Variants in SIAH3 observed in about 807,000 individuals in gnomAD.
SIAH3 encodes seven in absentia homolog 3.
In SIAH3, 9 loss-of-function variants were observed where a neutral mutation model predicts 12.6. The ratio of observed to expected loss-of-function variants is 0.72; its 90% CI spans 0.43 to 1.25. The LOEUF (loss-of-function observed/expected upper bound fraction) is 1.25, where lower values mean the gene tolerates loss of function less well. SIAH3 is among the 50% of genes most tolerant of loss of function. The pLI, the probability that SIAH3 is intolerant of heterozygous loss-of-function variation, is 0.00. For synonymous variants in SIAH3, 154 were observed against 151.1 expected (o/e 1.02, Z -0.14); for missense variants, 390 against 365.4 (o/e 1.07, Z -0.55).
intron 1 of SIAH3, among the ~76,000 whole-genome samples, chr13:45,848,936 T>C (rs542300972): frequency 6.6e-6 from 1 of 152,364 alleles, no homozygotes; most frequent in African/African-American, 2.4e-5. Flanking sequence ...AGATCACAGC[T>C]TATTACGTCC....
chr13:45,846,408 G>A (rs1019792919), intron 1 of SIAH3, among the ~76,000 whole-genome samples: 1 of 152,112 alleles, frequency 6.6e-6, no homozygotes, highest in Admixed American at 6.6e-5. Context: ...CTAACTTCTA[G>A]TCTCAATTTT....
chr13:45,785,599 A>T (rs1044166063), intron 1 of SIAH3, among the ~76,000 whole-genome samples: 2 of 152,240 alleles, frequency 1.3e-5, no homozygotes. Flanking sequence ...CATGACACAT[A>T]CATGTGCACA....
chr13:45,786,915 T>G (rs550017694), intron 1 of SIAH3, among the ~76,000 whole-genome samples: 1 of 152,312 alleles, frequency 6.6e-6, no homozygotes, highest in East Asian at 1.9e-4. Flanking sequence ...TCCCCTATTC[T>G]TTCCAATTTC....
At chr13:45,810,084 G>T (rs895357133) in intron 1 of SIAH3, among the ~76,000 whole-genome samples, 1 of 152,158 alleles carries the variant, frequency 6.6e-6, no homozygotes, top group African/African-American at 2.4e-5. Flanking sequence ...CGACCTGAAG[G>T]CACAGTCCAA....
chr13:45,848,027 G>A (rs748137851), intron 1 of SIAH3, among the ~76,000 whole-genome samples: 1 of 152,184 alleles, frequency 6.6e-6, no homozygotes, highest in African/African-American at 2.4e-5. Context: ...GCCAATGGGA[G>A]TGGAGCCAGG....
intron 1 of SIAH3, among the ~76,000 whole-genome samples, chr13:45,835,697 T>C (rs914999301): frequency 2.0e-5 from 3 of 152,086 alleles, no homozygotes; most frequent in Admixed American, 1.3e-4. Flanking sequence ...CGCTAAACCT[T>C]ATATATCATC....
At chr13:45,806,779 C>T (rs192377325) in intron 1 of SIAH3, among the ~76,000 whole-genome samples, 1 of 152,252 alleles carries the variant, frequency 6.6e-6, no homozygotes, top group Non-Finnish European at 1.5e-5. Context: ...AAAACTGTTA[C>T]ACTAATAGTA....
At chr13:45,825,411 A>G (rs1001671449) in intron 1 of SIAH3, among the ~76,000 whole-genome samples, 16 of 152,150 alleles carry the variant, frequency 1.1e-4, no homozygotes, top group African/African-American at 3.9e-4. Flanking sequence ...AATGTGGATG[A>G]TGGAGAAAAG....
At chr13:45,830,428 C>T (rs1950694786) in intron 1 of SIAH3, among the ~76,000 whole-genome samples, 1 of 152,218 alleles carries the variant, frequency 6.6e-6, no homozygotes, top group Non-Finnish European at 1.5e-5. Flanking sequence ...TGGGGACAGT[C>T]AGGTGGGGAT....
At chr13:45,812,952 C>T (rs1337372675) in intron 1 of SIAH3, among the ~76,000 whole-genome samples, 7 of 152,232 alleles carry the variant, frequency 4.6e-5, no homozygotes, top group Admixed American at 3.3e-4. Flanking sequence ...CGTGTCTTCC[C>T]AGGAGAAGGA....
rs1196429179 is a variant in SIAH3 at position 45,851,679 on chromosome 13, G to A, written c.-50C>T. 2 of 1,612,690 alleles carry A rather than the reference G, an allele frequency of 1.2e-6. No individual in the cohort carries two copies. Among genetic ancestry groups the A allele is most frequent in the Admixed American group, 1.7e-5 (1 of 59,990 alleles). ...CCGGGAAGGCAGCGGAGGAAGCTGT[G>A]AGTCCTTGGGCCCTGGAAGGAGCGC... On this transcript the variant is annotated 5_prime_UTR_variant, in exon 1 of 2. Coordinates refer to ENST00000400405, the MANE Select transcript of SIAH3 (RefSeq NM_198849.3).
intron 1 of SIAH3, among the ~76,000 whole-genome samples, chr13:45,808,250 G>A (rs142362697): frequency 6.7e-6 from 1 of 149,024 alleles, no homozygotes; most frequent in East Asian, 1.9e-4. Flanking sequence ...AAGTGTCCTG[G>A]TATATAGGTG....
rs139183628 is a variant in SIAH3, at chr13:45,781,402, G to T, written c.*1981C>A. ...GGAAGGGGATTGGGGATGCAGTGAG[G>T]AGGAAGACAGCCAGTCTTTCCACGC... is the stretch of plus-strand genomic sequence containing the variant. On this transcript the variant is annotated 3_prime_UTR_variant, in exon 2 of 2. Transcript: ENST00000400405. 2.0e-5 allele frequency: 3 copies of T among 152,248 alleles called. No homozygotes were observed. Among genetic ancestry groups the T allele is most frequent in the Non-Finnish European group, 4.4e-5 (3 of 68,064 alleles). The allele number at this position is 152,248 out of a possible 1,614,324, so 9.4% of individuals were successfully genotyped here.
intron 1 of SIAH3, among the ~76,000 whole-genome samples, chr13:45,789,572 A>G (rs1414057985): frequency 6.6e-6 from 1 of 151,902 alleles, no homozygotes; most frequent in Non-Finnish European, 1.5e-5. Context: ...ATACCTGGCT[A>G]ATTTTTGTAT....
chr13:45,820,176 G>A (rs909708824), intron 1 of SIAH3, among the ~76,000 whole-genome samples: 2 of 152,146 alleles, frequency 1.3e-5, no homozygotes, highest in African/African-American at 2.4e-5. Flanking sequence ...TTTCAACCCT[G>A]AATTTAGGAG....
intron 1 of SIAH3, among the ~76,000 whole-genome samples, chr13:45,784,957 A>G (rs1486528437): frequency 2.0e-5 from 3 of 152,236 alleles, no homozygotes; most frequent in Non-Finnish European, 4.4e-5. Flanking sequence ...TGGCACAGAC[A>G]TTACTACACT....
chr13:45,821,029 C>T (rs1950653951), intron 1 of SIAH3, among the ~76,000 whole-genome samples: 1 of 152,188 alleles, frequency 6.6e-6, no homozygotes, highest in African/African-American at 2.4e-5. Flanking sequence ...TGAATAGTCT[C>T]CCAAAAAGAT....
chr13:45,851,357 G>T (rs1950780979), intron 1 of SIAH3, 138 bp downstream of exon 1: 1 of 1,136,418 alleles, frequency 8.8e-7, no homozygotes, highest in Non-Finnish European at 1.3e-6. Context: ...AGGCAAACAC[G>T]CCGGGTTCCA....
intron 1 of SIAH3, among the ~76,000 whole-genome samples, chr13:45,815,083 ATT>A (rs58472474): frequency 1.8e-4 from 24 of 132,246 alleles, no homozygotes; most frequent in Admixed American, 3.1e-4. Context: ...ATAGACCTTC[ATT>A]TTTTTTTTTT....
Sources: gnomAD v4.1 joint callset for allele counts (sites outside exome capture counted in the v4.1 genomes callset) on GRCh38, gnomAD v4.1.1 for gene constraint, MANE v1.5 for transcripts, NCBI Gene and HGNC (gene_info 2026-07-23, HGNC 2026-07-21) for gene names.